Variants in TPCN2 observed in about 807,000 individuals in gnomAD.
TPCN2 encodes two pore channel protein 2.
In TPCN2, 92 loss-of-function variants were observed where a neutral mutation model predicts 111.4. The observed-to-expected ratio is 0.83, with a 90% CI of 0.70 to 0.98. TPCN2 has a LOEUF of 0.98. TPCN2 is among the 50% of genes least tolerant of loss of function. TPCN2 has a pLI of 0.00. For missense variants in TPCN2, 995 were observed against 980.1 expected, an observed-to-expected ratio of 1.02 and a Z score of -0.20; for synonymous variants, 405 against 414.5, an observed-to-expected ratio of 0.98 and a Z score of 0.28.
rs978081349 is a variant in TPCN2 at position 69,071,948 on chromosome 11, G to A, written c.986G>A (p.Arg329Gln). The change falls in exon 11 of 25, where the codon CGG becomes CAG. Residue 329 changes from arginine (R) to glutamine (Q), a missense_variant. Arg to Gln is a conservative substitution (Grantham distance 43). Transcript: ENST00000294309. ...AAATCTCTCCAGACCTCGCTGTTTCGGAGGCGGCTGGGAACCCGGGCTGCC... is the reference window on the plus strand; with the variant it reads ...AAATCTCTCCAGACCTCGCTGTTTCAGAGGCGGCTGGGAACCCGGGCTGCC... ...LMKSLQTSLF[R>Q]RRLGTRAAFE... 5.0e-6 allele frequency: 8 copies of A among 1,613,932 alleles called. No individual in the cohort carries two copies. Among genetic ancestry groups the A allele is most frequent in the East Asian group, 4.5e-5 (2 of 44,878 alleles).
chr11:69,078,197 G>C (rs376228424), intron 13 of TPCN2, among the ~76,000 whole-genome samples: 1 of 151,040 alleles, frequency 6.6e-6, no homozygotes, highest in African/African-American at 2.4e-5. Context: ...GACACTTTGC[G>C]TATGTTTCAG....
intron 5 of TPCN2, among the ~76,000 whole-genome samples, chr11:69,060,215 T>C (rs3018687): frequency 1 from 152,200 of 152,378 alleles, 76,012 homozygotes; most frequent in Middle Eastern, 1. Context: ...CACAGGGGAC[T>C]GCCCAACCCT....
chr11:69,052,687 C>T (rs1455849643), intron 1 of TPCN2, among the ~76,000 whole-genome samples: 2 of 152,186 alleles, frequency 1.3e-5, no homozygotes, highest in Admixed American at 6.5e-5. Context: ...CCTCATGCCC[C>T]CAAGCAGGAG....
rs1854836306 is a variant in TPCN2, at chr11:69,057,711, C to T, written c.546+17C>T. The T allele has an allele frequency of 1.2e-6, 2 of 1,608,900 alleles. No individual in the cohort carries two copies. Among genetic ancestry groups the T allele is most frequent in the Non-Finnish European group, 1.7e-6 (2 of 1,175,324 alleles). Reference sequence around the variant, plus strand: ...TGTCATGAGGTAGGTGGTGAGGCAGCCCTGAGACAGATGGAGAGATCTGGG... The same window carrying T: ...TGTCATGAGGTAGGTGGTGAGGCAGTCCTGAGACAGATGGAGAGATCTGGG... On this transcript the variant is annotated intron_variant, in intron 5 of 24. Coordinates refer to ENST00000294309, the MANE Select transcript of TPCN2 (RefSeq NM_139075.4).
At chr11:69,053,736 G>A (rs896159786) in intron 1 of TPCN2, among the ~76,000 whole-genome samples, 12 of 152,194 alleles carry the variant, frequency 7.9e-5, no homozygotes, top group African/African-American at 2.4e-4. Flanking sequence ...TCTGAACCCC[G>A]ACGCTGGTGC....
chr11:69,084,620 G>T (rs1047748384), intron 19 of TPCN2: 12 of 985,338 alleles, frequency 1.2e-5, no homozygotes, highest in Non-Finnish European at 1.4e-5. Context: ...GGCGCCCTTT[G>T]CAGGAAGCCC....
At chr11:69,054,664 G>T in intron 2 of TPCN2, 57 bp from the exon 3 acceptor site, 1 of 1,545,116 alleles carries the variant, frequency 6.5e-7, no homozygotes, top group Non-Finnish European at 8.9e-7. Flanking sequence ...TGGGGCTCGG[G>T]TCACGGCCCA....
chr11:69,071,231 G>C, intron 9 of TPCN2, 125 bp from the exon 10 acceptor site: 1 of 730,768 alleles, frequency 1.4e-6, no homozygotes, highest in Non-Finnish European at 2.5e-6. Flanking sequence ...GACTGCGCTG[G>C]CCAGGCCATG....
At chr11:69,059,672 G>A (rs1413002530) in intron 5 of TPCN2, among the ~76,000 whole-genome samples, 1 of 152,256 alleles carries the variant, frequency 6.6e-6, no homozygotes, top group Non-Finnish European at 1.5e-5. Flanking sequence ...AGCATTTGCA[G>A]GGCTGTGAGT....
chr11:69,063,930 TCAC>T lies in TPCN2; in HGVS notation c.692_694del (p.Thr231del). The T allele has an allele frequency of 1.2e-6, 2 of 1,614,112 alleles. No homozygotes were observed. The highest frequency in any genetic ancestry group is 8.5e-7 in the Non-Finnish European group (1 of 1,179,994). On this transcript the variant is annotated inframe_deletion, in exon 7 of 25. Transcript: ENST00000294309. ...CTGCTGGCCATCCACCTGTGCCTCT[TCAC>T]CATGTTCGGAATGCTGCTGTTCGCT... is the stretch of plus-strand genomic sequence containing the variant.
In TPCN2 at chr11:69,087,926, G is replaced by T; in HGVS notation, c.2232G>T (p.Gln744His). Reference protein sequence around the residue: ...GEDELTERLSQHPHLWLCR With the variant: ...GEDELTERLSHHPHLWLCR ...ATGAGCTCACAGAGAGGCTGAGCCA[G>T]CACCCGCACCTGTGGCTGTGCAGGT... The change falls in exon 25 of 25, where the codon CAG (glutamine) becomes CAT (histidine). Residue 744 changes from glutamine (Q) to histidine (H), a missense_variant. Gln to His is a conservative substitution (Grantham distance 24). Transcript: ENST00000294309. 1 of 1,611,562 alleles carries T rather than the reference G, an allele frequency of 6.2e-7. No individual in the cohort carries two copies. Among genetic ancestry groups the T allele is most frequent in the South Asian group, 1.1e-5 (1 of 90,686 alleles).
intron 8 of TPCN2, among the ~76,000 whole-genome samples, chr11:69,068,329 G>T (rs1344920347): frequency 1.5e-5 from 2 of 136,892 alleles, no homozygotes; most frequent in East Asian, 4.2e-4. Flanking sequence ...CTGAGTCCTA[G>T]GAAGTGACCG....
chr11:69,077,111 T>TCCTGCCCTCCTGCCATGTCCCTCCA (rs1565091630), intron 13 of TPCN2, among the ~76,000 whole-genome samples: 7 of 109,028 alleles, frequency 6.4e-5, no homozygotes, highest in Non-Finnish European at 5.5e-5. Context: ...CCACTTGCCC[T>TCCTGCCCTCCTGCCATGTCCCTCCA]CCTGCCCTCC....
chr11:69,087,993 A>G lies in TPCN2; in HGVS notation c.*40A>G. ...TCCCAGCAGGGGCGGCAGGAGAGAG[A>G]GGCTGGCCTACACAGGTGCCCGTCA... On this transcript the variant is annotated 3_prime_UTR_variant, in exon 25 of 25. Transcript: ENST00000294309. The G allele has an allele frequency of 2.6e-6, 4 of 1,564,472 alleles. No individual in the cohort carries two copies. The highest frequency in any genetic ancestry group is 3.5e-6 in the Non-Finnish European group (4 of 1,151,344).
chr11:69,070,552 C>G (rs374733372), intron 9 of TPCN2, 57 bp downstream of exon 9: 33 of 1,344,920 alleles, frequency 2.5e-5, no homozygotes, highest in Non-Finnish European at 3.0e-5. Context: ...GCTCAGGGAC[C>G]GATACACCCT....
At chr11:69,053,955 T>C (rs1379904526) in intron 1 of TPCN2, 78 bp from the exon 2 acceptor site, 1 of 1,290,714 alleles carries the variant, frequency 7.7e-7, no homozygotes, top group East Asian at 2.4e-5. Context: ...GCCGGCATCT[T>C]TCCTTGATCA....
chr11:69,054,187 G>C (rs2134516776), intron 2 of TPCN2, 90 bp downstream of exon 2: 1 of 1,024,314 alleles, frequency 9.8e-7, no homozygotes, highest in South Asian at 1.3e-5. Flanking sequence ...CTGGGTCCAA[G>C]GCCTCCATTG....
intron 5 of TPCN2, among the ~76,000 whole-genome samples, chr11:69,057,899 A>G (rs1854845110): frequency 6.6e-6 from 1 of 152,206 alleles, no homozygotes; most frequent in Admixed American, 6.5e-5. Context: ...GGAGGCCTGG[A>G]CGGGCACAGG....
chr11:69,080,831 T>C (rs1464005407), intron 17 of TPCN2, among the ~76,000 whole-genome samples: 2 of 152,198 alleles, frequency 1.3e-5, no homozygotes, highest in African/African-American at 4.8e-5. Flanking sequence ...TTCTGAGTCA[T>C]TACCTTGGGG....
Sources: gnomAD v4.1 joint callset for allele counts (sites outside exome capture counted in the v4.1 genomes callset) on GRCh38, gnomAD v4.1.1 for gene constraint, MANE v1.5 for transcripts, NCBI Gene and HGNC (gene_info 2026-07-23, HGNC 2026-07-21) for gene names.